Variants in DAPP1 observed in about 807,000 individuals in gnomAD.
DAPP1 encodes dual adaptor of phosphotyrosine and 3-phosphoinositides 1, also known as dual adapter for phosphotyrosine and 3-phosphotyrosine and 3-phosphoinositide.
A neutral mutation model predicts 41.5 loss-of-function variants in DAPP1; 20 were observed. That is an observed-to-expected ratio of 0.48 (90% CI 0.34 to 0.70). DAPP1 has a LOEUF of 0.70. Among genes scored for constraint, DAPP1 ranks in the 30% least tolerant of loss-of-function variants. DAPP1 has a pLI of 0.01. For synonymous variants in DAPP1, 113 were observed against 116.2 expected (o/e 0.97, Z 0.18); for missense variants, 233 against 333.4 (o/e 0.70, Z 2.35).
intron 3 of DAPP1, among the ~76,000 whole-genome samples, chr4:99,841,321 G>A (rs192885482): frequency 6.6e-6 from 1 of 152,304 alleles, no homozygotes; most frequent in East Asian, 1.9e-4. Flanking sequence ...TATTTATGTG[G>A]TGTGGGTAGT....
At chr4:99,863,746 T>A in intron 6 of DAPP1, 24 bp from the exon 7 acceptor site, 102 of 1,197,726 alleles carry the variant, frequency 8.5e-5, no homozygotes, top group Non-Finnish European at 1.1e-4. Context: ...AATGGTGACA[T>A]ACGTTGCTTT....
chr4:99,842,503 A>T (rs1337722724), intron 3 of DAPP1, among the ~76,000 whole-genome samples: 2 of 152,192 alleles, frequency 1.3e-5, no homozygotes, highest in African/African-American at 4.8e-5. Flanking sequence ...TATTCCTCTT[A>T]TCTGTCCCAG....
chr4:99,822,786 C>G (rs1722815588), intron 1 of DAPP1, among the ~76,000 whole-genome samples: 1 of 152,180 alleles, frequency 6.6e-6, no homozygotes, highest in African/African-American at 2.4e-5. Context: ...GCATTAATTT[C>G]TGGCTCCTAC....
rs1000169571 is a variant in DAPP1, at chr4:99,861,702, T to C, written c.537+77T>C. ...CATGTAGACTCAATTCTCATCTTGA[T>C]AGTTTTTCTTGGAAGCATAATTGCC... On this transcript the variant is annotated intron_variant, in intron 5 of 8. Transcript: ENST00000512369. 21 of 1,479,234 alleles carry C rather than the reference T, an allele frequency of 1.4e-5. No individual in the cohort carries two copies. The Admixed American group carries it at 4.0e-4, about 28-fold the overall frequency. 91.6% of individuals were successfully genotyped at this position (1,479,234 alleles called of 1,614,324 possible). A position where few individuals can be genotyped will look rare whatever the true frequency, so the allele number is the denominator to read the frequency against.
chr4:99,834,364 T>A (rs1259813048), intron 1 of DAPP1, among the ~76,000 whole-genome samples: 1 of 152,080 alleles, frequency 6.6e-6, no homozygotes, highest in African/African-American at 2.4e-5. Context: ...AAACATGTTT[T>A]GCTATGTCTC....
In DAPP1 at chr4:99,853,264, A is replaced by G. The variant is rs1723929817; in HGVS notation, c.405A>G (p.Glu135=). 1 of 1,613,856 alleles carries G rather than the reference A, an allele frequency of 6.2e-7. No individual in the cohort carries two copies. Among genetic ancestry groups the G allele is most frequent in the East Asian group, 2.2e-5 (1 of 44,870 alleles). ...ATCCCTACCCAAGAAAAGTGGAAGA[A>G]CCCTCCATTTATGAATCTGTCCGGG... ...LKHPYPRKVE[E]PSIYESVRVH... is the part of the protein sequence containing the mutation. Residue 135 remains glutamate (E), a synonymous_variant, in exon 4 of 9, where the codon GAA becomes GAG. Coordinates refer to ENST00000512369, the MANE Select transcript of DAPP1 (RefSeq NM_014395.3).
intron 3 of DAPP1, among the ~76,000 whole-genome samples, chr4:99,841,722 G>A (rs888539187): frequency 2.6e-5 from 4 of 152,146 alleles, no homozygotes; most frequent in Non-Finnish European, 5.9e-5. Flanking sequence ...TAAAGCCAGG[G>A]TTTTGTTTTG....
chr4:99,829,592 G>A (rs1723052546), intron 1 of DAPP1, among the ~76,000 whole-genome samples: 1 of 152,152 alleles, frequency 6.6e-6, no homozygotes, highest in African/African-American at 2.4e-5. Context: ...GGTAAAAATT[G>A]TTGGAGCAGA....
chr4:99,834,889 G>A (rs1174774672), intron 1 of DAPP1, among the ~76,000 whole-genome samples: 1 of 152,120 alleles, frequency 6.6e-6, no homozygotes, highest in African/African-American at 2.4e-5. Context: ...GCCTCTTCCT[G>A]TGGCTTGGAA....
intron 2 of DAPP1, among the ~76,000 whole-genome samples, chr4:99,838,053 A>C (rs1723359887): frequency 6.6e-6 from 1 of 152,178 alleles, no homozygotes; most frequent in African/African-American, 2.4e-5. Flanking sequence ...AATAAAAATG[A>C]GCTTCGCTAG....
chr4:99,822,789 G>T (rs1461383271), intron 1 of DAPP1, among the ~76,000 whole-genome samples: 3 of 151,980 alleles, frequency 2.0e-5, no homozygotes, highest in Admixed American at 6.5e-5. Flanking sequence ...TTAATTTCTG[G>T]CTCCTACCAA....
chr4:99,865,733 C>T (rs992790714), intron 7 of DAPP1: 6 of 150,922 alleles, frequency 4.0e-5, no homozygotes, highest in African/African-American at 1.2e-4. Flanking sequence ...AAGTCTTATT[C>T]GAGTATATAC....
chr4:99,854,741 C>T (rs1289260022), intron 4 of DAPP1, among the ~76,000 whole-genome samples: 1 of 152,224 alleles, frequency 6.6e-6, no homozygotes, highest in Non-Finnish European at 1.5e-5. Flanking sequence ...TATCACGGAT[C>T]ATTATCTTCC....
intron 3 of DAPP1, among the ~76,000 whole-genome samples, chr4:99,845,783 T>TC (rs1723646733): frequency 6.6e-6 from 1 of 152,062 alleles, no homozygotes; most frequent in South Asian, 2.1e-4. Context: ...AAAGAAAACA[T>TC]CCCCCTAAAT....
Position 99,863,758 on chromosome 4 carries a change from T to A in DAPP1, c.601-12T>A. On this transcript the variant is annotated splice_polypyrimidine_tract_variant and intron_variant, in intron 6 of 8. Coordinates refer to ENST00000512369, the MANE Select transcript of DAPP1 (RefSeq NM_014395.3). ...TTTAATGGTGACATACGTTGCTTTT[T>A]ATTTTATTTAGTCACCAGAACCAAT... is the stretch of plus-strand genomic sequence containing the variant. 1 of 1,532,378 alleles carries A rather than the reference T, an allele frequency of 6.5e-7. No individual in the cohort carries two copies. Among genetic ancestry groups the A allele is most frequent in the Non-Finnish European group, 8.8e-7 (1 of 1,132,686 alleles). The allele number at this position is 1,532,378 out of a possible 1,614,324, so 94.9% of individuals were successfully genotyped here.
chr4:99,826,476 T>C (rs550060982), intron 1 of DAPP1, among the ~76,000 whole-genome samples: 54 of 152,362 alleles, frequency 3.5e-4, no homozygotes, highest in African/African-American at 1.3e-3. Context: ...TTCTATTTCA[T>C]GTATCTTTTC....
At position 99,854,386 on chromosome 4, in the gene DAPP1, G is replaced by A. The variant is rs568648985; in HGVS notation, c.489+1038G>A. On this transcript the variant is annotated intron_variant, in intron 4 of 8. Transcript: ENST00000512369. ...CAAATAAATATCAAGAACTAATTCTGGATAGTAATCATGACACTTGAAAAA... is the reference window on the plus strand; with the variant it reads ...CAAATAAATATCAAGAACTAATTCTAGATAGTAATCATGACACTTGAAAAA... 9.2e-5 allele frequency among the ~76,000 whole-genome samples: 14 copies of A among 152,252 alleles called. No individual in the cohort carries two copies. The South Asian group carries it at 2.3e-3, about 25-fold the overall frequency.
rs1361723877 is a variant in DAPP1, at chr4:99,862,652, G to A, written c.538-358G>A. Among the ~76,000 whole-genome samples the A allele has an allele frequency of 2.0e-5, 3 of 152,064 alleles. No homozygotes were observed. In the South Asian group the frequency reaches 6.2e-4, roughly 32 times the overall value. On this transcript the variant is annotated intron_variant, in intron 5 of 8. Coordinates refer to ENST00000512369, the MANE Select transcript of DAPP1 (RefSeq NM_014395.3). ...TGGAAATTGTAGTGGTTTGTTATAA[G>A]TCACATTGAATATTTATGATAGACT...
At chr4:99,832,162 C>T (rs1195110054) in intron 1 of DAPP1, among the ~76,000 whole-genome samples, 1 of 152,172 alleles carries the variant, frequency 6.6e-6, no homozygotes, top group Non-Finnish European at 1.5e-5. Context: ...TGAGGCTTTT[C>T]CATTTTTGTT....
Sources: gnomAD v4.1 joint callset for allele counts (sites outside exome capture counted in the v4.1 genomes callset) on GRCh38, gnomAD v4.1.1 for gene constraint, MANE v1.5 for transcripts, NCBI Gene and HGNC (gene_info 2026-07-23, HGNC 2026-07-21) for gene names.